PARD3: variants seen among roughly 807,000 people sequenced by gnomAD.
PARD3 encodes par-3 family cell polarity regulator.
In PARD3, 75 loss-of-function variants were observed where a neutral mutation model predicts 155.4. The ratio of observed to expected loss-of-function variants is 0.48; its 90% confidence interval spans 0.40 to 0.58. The LOEUF is 0.58. Among genes scored for constraint, PARD3 ranks in the 20% least tolerant of loss-of-function variants. The pLI is 0.00. For missense variants in PARD3, 1,642 were observed against 1,721.7 expected (o/e 0.95, Z 0.82); for synonymous variants, 576 against 610.5 (o/e 0.94, Z 0.83).
intron 22 of PARD3, among the ~76,000 whole-genome samples, chr10:34,165,955 A>G (rs932004904): frequency 6.6e-6 from 1 of 152,194 alleles, no homozygotes; most frequent in East Asian, 1.9e-4. Context: ...AGAAAGAGCT[A>G]TATTTCTCAC....
At chr10:34,327,930 C>T (rs1465223438) in intron 19 of PARD3, among the ~76,000 whole-genome samples, 3 of 152,152 alleles carry the variant, frequency 2.0e-5, no homozygotes, top group East Asian at 3.9e-4. Flanking sequence ...AGGGACAAGC[C>T]CAGAAGGGCA....
intron 14 of PARD3, among the ~76,000 whole-genome samples, chr10:34,349,580 T>TA: frequency 0.052 from 2,342 of 44,700 alleles, 168 homozygotes; most frequent in African/African-American, 0.082. Flanking sequence ...TCTGGGAAAG[T>TA]AAAAAAAAAA....
rs577679699 is a variant in PARD3, at chr10:34,365,115, C to T, written c.1708-4856G>A. Among the ~76,000 whole-genome samples, 4 of 152,256 alleles carry T rather than the reference C, an allele frequency of 2.6e-5. No homozygotes were observed. In the East Asian group the frequency reaches 7.7e-4, roughly 29 times the overall value. ...ACCAATTTGACAATGCTTACCTAAA[C>T]CTTCTACAGTTTGCCATTTTCTTAA... On this transcript the variant is annotated intron_variant, in intron 12 of 24. Coordinates refer to ENST00000374788, the MANE Select transcript of PARD3 (RefSeq NM_001184785.2).
Position 34,666,636 on chromosome 10 carries a change from G to C in PARD3, c.222+29682C>G, listed in dbSNP as rs1430864548. 7.3e-5 allele frequency among the ~76,000 whole-genome samples: 11 copies of C among 151,642 alleles called. No homozygotes were observed. In the East Asian group the frequency reaches 1.9e-3, roughly 27 times the overall value. On this transcript the variant is annotated intron_variant, in intron 2 of 24. Transcript: ENST00000374788. ...CCCTCCAGGCAGGAAGAGAGGGACA[G>C]GGCAGGCACACCTAACATGGGATTG... is the stretch of plus-strand genomic sequence containing the variant.
intron 22 of PARD3, among the ~76,000 whole-genome samples, chr10:34,190,115 A>C (rs968060521): frequency 1.3e-5 from 2 of 152,216 alleles, no homozygotes; most frequent in Non-Finnish European, 2.9e-5. Flanking sequence ...GAGCGGTTTT[A>C]AGGTAGCTGT....
intron 2 of PARD3, among the ~76,000 whole-genome samples, chr10:34,573,744 C>A (rs1265393732): frequency 4.1e-4 from 34 of 83,214 alleles, no homozygotes; most frequent in African/African-American, 2.1e-3. Context: ...AAAACACACA[C>A]ACACACACAC....
At chr10:34,736,844 T>C (rs2094925185) in intron 1 of PARD3, among the ~76,000 whole-genome samples, 1 of 151,650 alleles carries the variant, frequency 6.6e-6, no homozygotes, top group Non-Finnish European at 1.5e-5. Context: ...GCCCAGCTAA[T>C]TTTTGTATTT....
At chr10:34,548,793 T>C (rs1332799341) in intron 2 of PARD3, among the ~76,000 whole-genome samples, 4 of 151,518 alleles carry the variant, frequency 2.6e-5, no homozygotes, top group Non-Finnish European at 5.9e-5. Flanking sequence ...GCAAATACTT[T>C]GAACAAAAAT....
chr10:34,414,832 A>G (rs1845504461), intron 5 of PARD3, among the ~76,000 whole-genome samples: 1 of 152,102 alleles, frequency 6.6e-6, no homozygotes, highest in African/African-American at 2.4e-5. Flanking sequence ...AACAAATAAA[A>G]AAAATTAAAA....
chr10:34,756,150 C>CT (rs58993670), intron 1 of PARD3, among the ~76,000 whole-genome samples: 11,438 of 94,438 alleles, frequency 0.12, 1,734 homozygotes, highest in African/African-American at 0.29. Context: ...AAAAATGCAC[C>CT]TTTTTTTTTT....
intron 7 of PARD3, among the ~76,000 whole-genome samples, chr10:34,397,333 A>G (rs1190505640): frequency 2.0e-5 from 3 of 152,200 alleles, no homozygotes. Context: ...GGGGAATCAC[A>G]AACTATTTCT....
At chr10:34,523,929 C>A (rs975348299) in intron 2 of PARD3, among the ~76,000 whole-genome samples, 1 of 151,930 alleles carries the variant, frequency 6.6e-6, no homozygotes, top group African/African-American at 2.4e-5. Context: ...ATTCTTCTGC[C>A]CTTTCACTCA....
At chr10:34,424,952 C>G (rs752659950) in intron 5 of PARD3, among the ~76,000 whole-genome samples, 6 of 152,204 alleles carry the variant, frequency 3.9e-5, no homozygotes, top group South Asian at 4.1e-4. Flanking sequence ...TAGCATTCCA[C>G]ATTTTATACC....
chr10:34,627,630 G>A (rs1461956674), intron 2 of PARD3, among the ~76,000 whole-genome samples: 1 of 152,128 alleles, frequency 6.6e-6, no homozygotes, highest in East Asian at 1.9e-4. Context: ...AGGAACACCT[G>A]GGCTTCCGAA....
At chr10:34,230,509 G>A (rs1407754785) in intron 22 of PARD3, among the ~76,000 whole-genome samples, 1 of 152,046 alleles carries the variant, frequency 6.6e-6, no homozygotes, top group Non-Finnish European at 1.5e-5. Flanking sequence ...CATACCTAGC[G>A]ACTCCCACTA....
chr10:34,590,221 G>T (rs2384229), intron 2 of PARD3, among the ~76,000 whole-genome samples: 7,124 of 152,240 alleles, frequency 0.047, 519 homozygotes, highest in African/African-American at 0.15. Context: ...AGTGCTAAAG[G>T]AGGGGCAGGA....
chr10:34,161,021 T>C (rs1949252256), intron 22 of PARD3, among the ~76,000 whole-genome samples: 1 of 152,124 alleles, frequency 6.6e-6, no homozygotes, highest in Non-Finnish European at 1.5e-5. Context: ...TTTGAGGGAC[T>C]GCTTGAGCCC....
At chr10:34,689,715 G>A (rs1353993056) in intron 2 of PARD3, among the ~76,000 whole-genome samples, 1 of 152,106 alleles carries the variant, frequency 6.6e-6, no homozygotes, top group Non-Finnish European at 1.5e-5. Context: ...TTCGCAGAAG[G>A]ATACAAAATC....
At chr10:34,601,074 G>A (rs952863328) in intron 2 of PARD3, among the ~76,000 whole-genome samples, 2 of 139,530 alleles carry the variant, frequency 1.4e-5, no homozygotes, top group Non-Finnish European at 3.0e-5. Context: ...GTCTCCCAAA[G>A]TGCACGCATT....
Sources: allele counts gnomAD v4.1 joint callset (sites outside exome capture counted in the v4.1 genomes callset), GRCh38; gene constraint gnomAD v4.1.1; transcripts MANE v1.5; gene names NCBI Gene and HGNC (gene_info 2026-07-23, HGNC 2026-07-21).